Variants in ATP11B observed in about 807,000 individuals in gnomAD.
ATP11B encodes phospholipid-transporting ATPase IF.
In ATP11B, 81 loss-of-function variants were observed where a neutral mutation model predicts 157.8. That is an observed-to-expected ratio of 0.51 (90% CI 0.43 to 0.62). The LOEUF (loss-of-function observed/expected upper bound fraction) is 0.62, where lower values mean the gene tolerates loss of function less well. Among genes scored for constraint, ATP11B ranks in the 20% least tolerant of loss-of-function variants. The pLI, the probability that ATP11B is intolerant of heterozygous loss-of-function variation, is 0.00. For missense variants in ATP11B, 1,165 were observed against 1,402.2 expected, an observed-to-expected ratio of 0.83 and a Z score of 2.70; for synonymous variants, 451 against 469.4, an observed-to-expected ratio of 0.96 and a Z score of 0.51.
At chr3:182,852,354 G>A (rs1181176477) in intron 10 of ATP11B, among the ~76,000 whole-genome samples, 1 of 152,070 alleles carries the variant, frequency 6.6e-6, no homozygotes, top group Non-Finnish European at 1.5e-5. Context: ...TGGTATAAGA[G>A]AAAAAAACTA....
intron 7 of ATP11B, among the ~76,000 whole-genome samples, chr3:182,838,617 CATTT>C (rs999463803): frequency 6.6e-6 from 1 of 151,942 alleles, no homozygotes; most frequent in Admixed American, 6.5e-5. Context: ...TTCATTCATT[CATTT>C]AACAAATTAT....
At chr3:182,795,119 A>G (rs990303181) in intron 1 of ATP11B, among the ~76,000 whole-genome samples, 1 of 152,200 alleles carries the variant, frequency 6.6e-6, no homozygotes, top group East Asian at 1.9e-4. Flanking sequence ...TTGTAAATTC[A>G]GATATCCCAG....
rs186977544 is a variant in ATP11B, at chr3:182,810,311, G to A, written c.28-9949G>A. Among the ~76,000 whole-genome samples, 18 of 152,248 alleles carry A rather than the reference G, an allele frequency of 1.2e-4. No homozygotes were observed. The East Asian group carries it at 3.3e-3, about 28-fold the overall frequency. ...GGCACCACTGCACCTCAGCCTGAGCGATGGAGCAAGACTCCACCTCAAAAT... is the reference window on the plus strand; with the variant it reads ...GGCACCACTGCACCTCAGCCTGAGCAATGGAGCAAGACTCCACCTCAAAAT... On this transcript the variant is annotated intron_variant, in intron 1 of 29. Coordinates refer to ENST00000323116, the MANE Select transcript of ATP11B (RefSeq NM_014616.3).
intron 4 of ATP11B, among the ~76,000 whole-genome samples, chr3:182,835,117 CAG>C (rs917195396): frequency 4.6e-5 from 7 of 151,962 alleles, no homozygotes; most frequent in Admixed American, 2.0e-4. Flanking sequence ...CTTGCTGTCT[CAG>C]GGGTGGCAGA....
chr3:182,823,877 G>A (rs1717540838), intron 2 of ATP11B, among the ~76,000 whole-genome samples: 2 of 151,874 alleles, frequency 1.3e-5, no homozygotes. Context: ...AAATTTATCA[G>A]TTTTAAGTGT....
At chr3:182,845,010 T>TTTTTTTTTTTTTTTTA (rs1560081901) in intron 8 of ATP11B, among the ~76,000 whole-genome samples, 4 of 68,312 alleles carry the variant, frequency 5.9e-5, no homozygotes, top group African/African-American at 1.6e-4. Flanking sequence ...TTTTTTATTT[T>TTTTTTTTTTTTTTTTA]TTTTTATTTT....
At chr3:182,912,275 G>T (rs921608225) in intron 28 of ATP11B, among the ~76,000 whole-genome samples, 2 of 152,150 alleles carry the variant, frequency 1.3e-5, no homozygotes, top group Non-Finnish European at 2.9e-5. Flanking sequence ...TTGCTGGTTG[G>T]TGGGTGGGGG....
chr3:182,907,558 GGTATGCTTCATATGATTATATTTACA>G (rs1724457430), intron 28 of ATP11B, among the ~76,000 whole-genome samples: 1 of 152,080 alleles, frequency 6.6e-6, no homozygotes, highest in African/African-American at 2.4e-5. Context: ...TGTGTGTTTT[GGTATGCTTCATATGATTATATTTACA>G]GTATATTTCT....
At chr3:182,883,950 G>A (rs145130209) in intron 21 of ATP11B, among the ~76,000 whole-genome samples, 17,099 of 105,698 alleles carry the variant, frequency 0.16, 1,345 homozygotes, top group African/African-American at 0.27. Flanking sequence ...GCGAGACTCC[G>A]TCTCAAAAAA....
At chr3:182,864,925 G>A (rs1010568982) in intron 12 of ATP11B, among the ~76,000 whole-genome samples, 2 of 151,754 alleles carry the variant, frequency 1.3e-5, no homozygotes, top group African/African-American at 2.4e-5. Context: ...TTTAAACATC[G>A]ATTTTTTTCA....
intron 17 of ATP11B, 99 bp downstream of exon 17, chr3:182,869,430 C>A (rs1032094482): frequency 6.0e-6 from 5 of 838,086 alleles, no homozygotes; most frequent in Middle Eastern, 7.2e-4. Context: ...TGTGGACATT[C>A]TGCAGTTGTG....
chr3:182,794,130 G>C (rs1352233301), intron 1 of ATP11B, among the ~76,000 whole-genome samples: 1 of 152,242 alleles, frequency 6.6e-6, no homozygotes, highest in Non-Finnish European at 1.5e-5. Flanking sequence ...GAGGAAACAG[G>C]GCGAGGGAGC....
chr3:182,910,107 CT>C (rs1189845992), intron 28 of ATP11B, among the ~76,000 whole-genome samples: 39 of 140,150 alleles, frequency 2.8e-4, no homozygotes, highest in African/African-American at 9.3e-4. Context: ...CAGCTGAGTT[CT>C]TTTTTTTCTT....
chr3:182,839,173 A>T (rs147986036), intron 7 of ATP11B, among the ~76,000 whole-genome samples: 150 of 152,332 alleles, frequency 9.8e-4, no homozygotes, highest in Admixed American at 1.9e-3. Flanking sequence ...TAACAAACTA[A>T]TACAGGAACA....
chr3:182,848,382 G>A (rs1719705043), intron 9 of ATP11B, 94 bp from the exon 10 acceptor site: 3 of 686,032 alleles, frequency 4.4e-6, no homozygotes, highest in Non-Finnish European at 6.6e-6. Flanking sequence ...CTGTCAGACA[G>A]TACACTAAAA....
intron 29 of ATP11B, chr3:182,916,887 C>G: frequency 1.0e-6 from 1 of 982,120 alleles, no homozygotes; most frequent in Non-Finnish European, 1.2e-6. Flanking sequence ...TAAAAGCATA[C>G]TTGTCCCCTG....
chr3:182,819,957 A>G (rs1399721369), intron 1 of ATP11B, among the ~76,000 whole-genome samples: 1 of 152,178 alleles, frequency 6.6e-6, no homozygotes, highest in Non-Finnish European at 1.5e-5. Context: ...CTGACAGAGA[A>G]TGAACTGTTT....
At chr3:182,881,259 C>T (rs1330190504) in intron 21 of ATP11B, among the ~76,000 whole-genome samples, 2 of 152,092 alleles carry the variant, frequency 1.3e-5, no homozygotes, top group Non-Finnish European at 2.9e-5. Context: ...CGTGGTGAAA[C>T]CCCGTCTCTA....
intron 14 of ATP11B, among the ~76,000 whole-genome samples, chr3:182,867,072 G>A (rs1577048312): frequency 6.6e-6 from 1 of 151,744 alleles, no homozygotes; most frequent in South Asian, 2.1e-4. Context: ...CTGACTACAG[G>A]CACAGGGCAC....
Sources: allele counts gnomAD v4.1 joint callset (sites outside exome capture counted in the v4.1 genomes callset), GRCh38; gene constraint gnomAD v4.1.1; transcripts MANE v1.5; gene names NCBI Gene and HGNC (gene_info 2026-07-23, HGNC 2026-07-21).